RHOBTB1: variants seen among roughly 807,000 people sequenced by gnomAD.
RHOBTB1 encodes Rho related BTB domain containing 1.
A neutral mutation model predicts 71.6 loss-of-function variants in RHOBTB1; 40 were observed. That is an observed-to-expected ratio of 0.56 (90% CI 0.43 to 0.73). The LOEUF (loss-of-function observed/expected upper bound fraction) is 0.73. RHOBTB1 is among the 30% of genes least tolerant of loss of function. RHOBTB1 has a pLI of 0.00. For missense variants in RHOBTB1, 797 were observed against 894.0 expected, an observed-to-expected ratio of 0.89 and a Z score of 1.38; for synonymous variants, 319 against 334.9, an observed-to-expected ratio of 0.95 and a Z score of 0.52.
intron 4 of RHOBTB1, among the ~76,000 whole-genome samples, chr10:60,910,616 G>C (rs2082915848): frequency 6.6e-6 from 1 of 152,192 alleles, no homozygotes; most frequent in South Asian, 2.1e-4. Context: ...CCCGCAGTTG[G>C]AGGGTGTTAC....
At chr10:60,861,510 A>G in the RHOBTB1 span, among the ~76,000 whole-genome samples, 1 of 152,138 alleles carries the variant, frequency 6.6e-6, no homozygotes, top group Non-Finnish European at 1.5e-5. Flanking sequence ...GTAGATTTCA[A>G]TGGAATCTAC....
At position 60,888,163 on chromosome 10, in the gene RHOBTB1, A is replaced by G. The variant is rs752731998; in HGVS notation, c.1456+49T>C. On this transcript the variant is annotated intron_variant, in intron 6 of 10. Transcript: ENST00000337910. ...CCTGCTCATGTCTGGCTAACGTTCA[A>G]TGAAACACAATCAAAGGTATTAATG... 37 of 1,562,360 alleles carry G rather than the reference A, an allele frequency of 2.4e-5. 1 individual carries two copies. The Admixed American group carries it at 3.4e-4, about 14-fold the overall frequency.
At chr10:60,925,138 T>C (rs2083794212) in intron 2 of RHOBTB1, among the ~76,000 whole-genome samples, 1 of 152,216 alleles carries the variant, frequency 6.6e-6, no homozygotes, top group Admixed American at 6.5e-5. Flanking sequence ...GTGACATTCC[T>C]GCTCTCCTCT....
At chr10:60,881,472 T>C (rs2081325674) in intron 7 of RHOBTB1, among the ~76,000 whole-genome samples, 1 of 152,212 alleles carries the variant, frequency 6.6e-6, no homozygotes, top group Non-Finnish European at 1.5e-5. Context: ...ATACCTGCTC[T>C]CTCAGAGATG....
chr10:60,874,917 A>G, intron 9 of RHOBTB1, 37 bp downstream of exon 9: 1 of 1,355,978 alleles, frequency 7.4e-7, no homozygotes, highest in Admixed American at 1.7e-5. Context: ...GAACTGATTG[A>G]ACACACTTAA....
intron 2 of RHOBTB1, among the ~76,000 whole-genome samples, chr10:60,953,399 T>C (rs1003524189): frequency 6.6e-6 from 1 of 152,192 alleles, no homozygotes; most frequent in Non-Finnish European, 1.5e-5. Flanking sequence ...TGAAGTTACA[T>C]GGCACCTGAA....
chr10:60,989,149 ACTGT>A (rs1470966506), intron 1 of RHOBTB1, among the ~76,000 whole-genome samples: 3 of 152,350 alleles, frequency 2.0e-5, no homozygotes, highest in East Asian at 1.9e-4. Flanking sequence ...CAACAGCAAG[ACTGT>A]CTGATTTGAA....
Position 60,899,287 on chromosome 10 carries a change from C to G in RHOBTB1, c.297-6292G>C, listed in dbSNP as rs554332229. On this transcript the variant is annotated intron_variant, in intron 4 of 10. Coordinates refer to ENST00000337910, the MANE Select transcript of RHOBTB1 (RefSeq NM_014836.5). ...GAGGCACTGAAGTAAAGAAGGCTTGCTAAACAGACGAAGGTGAAATTGTGG... is the reference window on the plus strand; with the variant it reads ...GAGGCACTGAAGTAAAGAAGGCTTGGTAAACAGACGAAGGTGAAATTGTGG... Among the ~76,000 whole-genome samples the G allele has an allele frequency of 2.0e-5, 3 of 152,344 alleles. No homozygotes were observed. The East Asian group carries it at 5.8e-4, about 29-fold the overall frequency.
At chr10:60,980,555 G>A (rs2086463218) in intron 2 of RHOBTB1, among the ~76,000 whole-genome samples, 1 of 152,012 alleles carries the variant, frequency 6.6e-6, no homozygotes, top group Non-Finnish European at 1.5e-5. Context: ...GGGGAAACAT[G>A]AGCTAAGCAG....
intron 7 of RHOBTB1, among the ~76,000 whole-genome samples, chr10:60,879,947 C>A (rs1240064468): frequency 6.6e-6 from 1 of 152,028 alleles, no homozygotes; most frequent in Non-Finnish European, 1.5e-5. Context: ...CATGTACAGA[C>A]TTTTTTCTTG....
chr10:60,933,540 T>C (rs555083702), intron 2 of RHOBTB1, among the ~76,000 whole-genome samples: 10 of 151,976 alleles, frequency 6.6e-5, no homozygotes, highest in South Asian at 4.2e-4. Context: ...GCCAACATAG[T>C]GAAACTTAGT....
chr10:60,927,467 T>C (rs768362041), intron 2 of RHOBTB1, among the ~76,000 whole-genome samples: 9 of 152,118 alleles, frequency 5.9e-5, no homozygotes, highest in Non-Finnish European at 1.2e-4. Flanking sequence ...CAAATCATAC[T>C]ACAAAGCTAT....
intron 2 of RHOBTB1, among the ~76,000 whole-genome samples, chr10:60,953,601 C>T (rs951530936): frequency 6.6e-6 from 1 of 152,088 alleles, no homozygotes; most frequent in African/African-American, 2.4e-5. Flanking sequence ...AGAAATCTAT[C>T]ACACCTGTTG....
chr10:60,997,072 C>G (rs2087080745), intron 1 of RHOBTB1, among the ~76,000 whole-genome samples: 1 of 145,152 alleles, frequency 6.9e-6, no homozygotes, highest in East Asian at 2.0e-4. Context: ...TGTACACACA[C>G]ACACACACAC....
chr10:60,925,656 G>C (rs2083831686), intron 2 of RHOBTB1, among the ~76,000 whole-genome samples: 1 of 151,550 alleles, frequency 6.6e-6, no homozygotes, highest in South Asian at 2.1e-4. Flanking sequence ...TAAGTAAAAT[G>C]GACAAATCTT....
At chr10:60,861,918 A>G in the RHOBTB1 span, among the ~76,000 whole-genome samples, 7 of 152,232 alleles carry the variant, frequency 4.6e-5, no homozygotes, top group African/African-American at 1.7e-4. Flanking sequence ...AGATGATCCA[A>G]GGAAAGATGT....
chr10:60,955,377 C>T (rs372051144), intron 2 of RHOBTB1, among the ~76,000 whole-genome samples: 1 of 152,070 alleles, frequency 6.6e-6, no homozygotes, highest in Non-Finnish European at 1.5e-5. Flanking sequence ...TAAAATGCCA[C>T]AATTCAATTC....
chr10:60,890,443 C>T (rs1262317460), intron 5 of RHOBTB1, among the ~76,000 whole-genome samples: 1 of 152,064 alleles, frequency 6.6e-6, no homozygotes, highest in African/African-American at 2.4e-5. Flanking sequence ...TAGGCTGGCA[C>T]ACAAGGCCCA....
intron 2 of RHOBTB1, among the ~76,000 whole-genome samples, chr10:60,938,403 C>G (rs1336931293): frequency 2.0e-5 from 3 of 152,188 alleles, no homozygotes. Context: ...CACTTATTAA[C>G]TATGAGAGTA....
Sources: allele counts gnomAD v4.1 joint callset (sites outside exome capture counted in the v4.1 genomes callset), GRCh38; gene constraint gnomAD v4.1.1; transcripts MANE v1.5; gene names NCBI Gene and HGNC (gene_info 2026-07-23, HGNC 2026-07-21).